DGKH: variants seen among roughly 807,000 people sequenced by gnomAD.
The protein encoded by DGKH is diacylglycerol kinase eta.
DGKH carries 90 observed loss-of-function variants against 159.3 expected under a neutral mutation model. That is an observed-to-expected ratio of 0.57 (90% CI 0.48 to 0.67). The LOEUF is 0.67. Ranked by LOEUF, DGKH falls within the 30% of genes least tolerant of loss-of-function variation. DGKH has a pLI of 0.00. For synonymous variants in DGKH, 536 were observed against 553.8 expected (o/e 0.97, Z 0.45); for missense variants, 1,181 against 1,506.1 (o/e 0.78, Z 3.57).
chr13:42,236,938 A>T lies in DGKH; in HGVS notation c.*7750A>T, dbSNP rs1202467687. Reference sequence around the variant, plus strand: ...AAAAGAATTTTGAACCCCCCAAAATATCACATATCTAGCAGTTCTAGGTTC... The same window carrying T: ...AAAAGAATTTTGAACCCCCCAAAATTTCACATATCTAGCAGTTCTAGGTTC... On this transcript the variant is annotated 3_prime_UTR_variant, in exon 30 of 30. Coordinates refer to ENST00000337343, the MANE Select transcript of DGKH (RefSeq NM_178009.5). The T allele has an allele frequency of 6.6e-6, 1 of 152,206 alleles. No homozygotes were observed. Among genetic ancestry groups the T allele is most frequent in the Non-Finnish European group, 1.5e-5 (1 of 68,040 alleles). The allele number at this position is 152,206 out of a possible 1,614,324, so 9.4% of individuals were successfully genotyped here. A position where few individuals can be genotyped will look rare whatever the true frequency, so the allele number is the denominator to read the frequency against.
At chr13:42,105,576 T>C (rs1425600681) in intron 1 of DGKH, among the ~76,000 whole-genome samples, 1 of 152,240 alleles carries the variant, frequency 6.6e-6, no homozygotes, top group Non-Finnish European at 1.5e-5. Flanking sequence ...GCTACTTTGA[T>C]GTGGACTTCT....
rs922529180 is a variant in DGKH at position 42,236,482 on chromosome 13, A to T, written c.*7294A>T. The T allele has an allele frequency of 6.6e-6, 1 of 152,218 alleles. No homozygotes were observed. The highest frequency in any genetic ancestry group is 2.4e-5 in the African/African-American group (1 of 41,462). The allele number at this position is 152,218 out of a possible 1,614,324, so 9.4% of individuals were successfully genotyped here. A position where few individuals can be genotyped will look rare whatever the true frequency, so the allele number is the denominator to read the frequency against. On this transcript the variant is annotated 3_prime_UTR_variant, in exon 30 of 30. Transcript: ENST00000337343. ...TGAATTCACCAATATTAAGGATTTAATGTAGCCAAGGGATTCAGTGTGTTA... is the reference window on the plus strand; with the variant it reads ...TGAATTCACCAATATTAAGGATTTATTGTAGCCAAGGGATTCAGTGTGTTA...
chr13:42,189,288 G>A lies in DGKH; in HGVS notation c.1891G>A (p.Val631Ile), dbSNP rs1449142759. The A allele has an allele frequency of 1.2e-6, 2 of 1,614,098 alleles. No individual in the cohort carries two copies. Among genetic ancestry groups the A allele is most frequent in the Middle Eastern group, 1.6e-4 (1 of 6,084 alleles). The change falls in exon 15 of 30, where the codon GTC (valine) becomes ATC (isoleucine). Residue 631 changes from valine (V) to isoleucine (I), a missense_variant. Val to Ile is a conservative substitution (Grantham distance 29). Transcript: ENST00000337343. ...ANSLKKAVRQ[V>I]IEEAGKVMDD... ...TAGTTTAAAGAAAGCAGTGAGGCAA[G>A]TCATTGAGGAAGCCGGAAAAGGTAC...
intron 3 of DGKH, among the ~76,000 whole-genome samples, chr13:42,154,699 A>T (rs945866902): frequency 1.3e-5 from 2 of 152,154 alleles, no homozygotes; most frequent in Non-Finnish European, 2.9e-5. Flanking sequence ...GTGATATGTA[A>T]ACTCAATATT....
At chr13:42,166,721 G>T in intron 9 of DGKH, 47 bp downstream of exon 9, 3 of 1,404,458 alleles carry the variant, frequency 2.1e-6, no homozygotes, top group Non-Finnish European at 1.9e-6. Flanking sequence ...GTAGGACTAG[G>T]TGTTAAATGT....
At chr13:42,141,968 C>T (rs1955573988) in intron 3 of DGKH, among the ~76,000 whole-genome samples, 1 of 151,334 alleles carries the variant, frequency 6.6e-6, no homozygotes, top group Admixed American at 6.6e-5. Context: ...GAAGTCCTTG[C>T]CCATGCCTAT....
intron 1 of DGKH, chr13:42,068,952 G>T: frequency 6.9e-7 from 1 of 1,445,784 alleles, no homozygotes; most frequent in Non-Finnish European, 9.6e-7. Flanking sequence ...TGTTCAGAAT[G>T]CCGCTGTATG....
chr13:42,204,275 G>A (rs918474891), intron 20 of DGKH, among the ~76,000 whole-genome samples: 1 of 152,122 alleles, frequency 6.6e-6, no homozygotes, highest in Non-Finnish European at 1.5e-5. Flanking sequence ...TTGAGAAAAA[G>A]TTTATTATTC....
intron 26 of DGKH, chr13:42,216,832 T>G (rs1478200035): frequency 6.6e-6 from 1 of 152,208 alleles, no homozygotes; most frequent in African/African-American, 2.4e-5. Flanking sequence ...GGCACTACTG[T>G]TTTTAACCAG....
intron 25 of DGKH, 102 bp from the exon 26 acceptor site, chr13:42,215,473 T>C: frequency 1.1e-6 from 1 of 869,708 alleles, no homozygotes. Flanking sequence ...ATTAAAAATG[T>C]GTGCTGTGAA....
At chr13:42,208,495 A>C (rs1957560811) in intron 21 of DGKH, among the ~76,000 whole-genome samples, 1 of 152,132 alleles carries the variant, frequency 6.6e-6, no homozygotes, top group Non-Finnish European at 1.5e-5. Context: ...TTCCCTTAGA[A>C]TATATCAAGT....
Position 42,200,023 on chromosome 13 carries a change from G to A in DGKH, c.2493+114G>A. 4 of 832,496 alleles carry A rather than the reference G, an allele frequency of 4.8e-6. No homozygotes were observed. The South Asian group carries it at 5.9e-5, about 12-fold the overall frequency. 51.6% of individuals were successfully genotyped at this position (832,496 alleles called of 1,614,324 possible). A position where few individuals can be genotyped will look rare whatever the true frequency, so the allele number is the denominator to read the frequency against. ...ATTAGCAATTAAATAAATATTCAAG[G>A]GGAAAAATGAATGTGATTATCAACT... On this transcript the variant is annotated intron_variant, in intron 20 of 29. Transcript: ENST00000337343.
chr13:42,119,597 C>T (rs1309241991), intron 1 of DGKH, among the ~76,000 whole-genome samples: 1 of 152,190 alleles, frequency 6.6e-6, no homozygotes, highest in Non-Finnish European at 1.5e-5. Flanking sequence ...AAGTTTTTAG[C>T]TCTTATCCCA....
At chr13:42,171,540 TGG>T (rs1956454942) in intron 11 of DGKH, among the ~76,000 whole-genome samples, 1 of 152,230 alleles carries the variant, frequency 6.6e-6, no homozygotes, top group Non-Finnish European at 1.5e-5. Flanking sequence ...CTCAGACATT[TGG>T]ATGGATTTAT....
chr13:42,053,217 A>T (rs1007463473), intron 1 of DGKH, among the ~76,000 whole-genome samples: 2 of 152,016 alleles, frequency 1.3e-5, no homozygotes, highest in Non-Finnish European at 2.9e-5. Context: ...CCAGTATTCT[A>T]TCTGGATTAA....
downstream of DGKH, among the ~76,000 whole-genome samples, chr13:42,245,736 C>A (rs1166930048): frequency 6.6e-6 from 1 of 152,106 alleles, no homozygotes; most frequent in African/African-American, 2.4e-5. Flanking sequence ...CAGGCACGCG[C>A]CAACACACCT....
chr13:42,167,425 G>C (rs776668163), intron 9 of DGKH, among the ~76,000 whole-genome samples: 1 of 152,158 alleles, frequency 6.6e-6, no homozygotes, highest in Non-Finnish European at 1.5e-5. Context: ...TGCCTGAAAA[G>C]GCATTTTGTG....
At chr13:42,139,836 C>T (rs1465723873) in intron 3 of DGKH, among the ~76,000 whole-genome samples, 1 of 152,158 alleles carries the variant, frequency 6.6e-6, no homozygotes, top group African/African-American at 2.4e-5. Flanking sequence ...AATTTAAAGG[C>T]TATGCTGCCT....
downstream of DGKH, among the ~76,000 whole-genome samples, chr13:42,244,796 T>A (rs560771883): frequency 1.4e-5 from 2 of 145,098 alleles, no homozygotes; most frequent in South Asian, 2.2e-4. Flanking sequence ...CCCAGCTACT[T>A]GGGAGGCTGA....
Sources: allele counts gnomAD v4.1 joint callset (sites outside exome capture counted in the v4.1 genomes callset), GRCh38; gene constraint gnomAD v4.1.1; transcripts MANE v1.5; gene names NCBI Gene and HGNC (gene_info 2026-07-23, HGNC 2026-07-21).